Variants in RIPOR2 observed in about 807,000 individuals in gnomAD.
RIPOR2 encodes the protein rho family-interacting cell polarization regulator 2.
RIPOR2 carries 39 observed loss-of-function variants against 114.5 expected under a neutral mutation model. The observed-to-expected ratio is 0.34, with a 90% CI of 0.26 to 0.44. The LOEUF (loss-of-function observed/expected upper bound fraction) is 0.44. Ranked by LOEUF, RIPOR2 falls within the 20% of genes least tolerant of loss-of-function variation. RIPOR2 has a pLI of 1.00. For missense variants in RIPOR2, 1,007 were observed against 1,255.1 expected, an observed-to-expected ratio of 0.80 and a Z score of 2.99; for synonymous variants, 445 against 484.4, an observed-to-expected ratio of 0.92 and a Z score of 1.07.
intron 1 of RIPOR2, among the ~76,000 whole-genome samples, chr6:24,960,437 A>G (rs757932587): frequency 6.6e-6 from 1 of 152,194 alleles, no homozygotes; most frequent in Non-Finnish European, 1.5e-5. Flanking sequence ...TCCAGCCCTC[A>G]TGGTCTAATC....
intron 1 of RIPOR2, among the ~76,000 whole-genome samples, chr6:24,879,976 T>C (rs1766198584): frequency 6.6e-6 from 1 of 152,242 alleles, no homozygotes; most frequent in Admixed American, 6.5e-5. Context: ...AGGTGCTCCA[T>C]TGAACCAAAA....
intron 15 of RIPOR2, among the ~76,000 whole-genome samples, chr6:24,832,604 T>C (rs1359598278): frequency 2.0e-5 from 3 of 152,242 alleles, no homozygotes; most frequent in Non-Finnish European, 4.4e-5. Context: ...CGTGTGTGCA[T>C]AAATTCTGGA....
chr6:24,807,817 C>T (rs760701764), intron 21 of RIPOR2, among the ~76,000 whole-genome samples: 10 of 152,126 alleles, frequency 6.6e-5, no homozygotes, highest in Non-Finnish European at 1.3e-4. Context: ...CCTTTAAGTG[C>T]CCGCAATGAC....
At chr6:24,839,578 C>T in intron 13 of RIPOR2, 1 of 1,501,308 alleles carries the variant, frequency 6.7e-7, no homozygotes, top group Non-Finnish European at 9.0e-7. Context: ...CACTGGGATC[C>T]ATTAGAGGAT....
At chr6:24,965,895 C>A (rs1390102892) in intron 1 of RIPOR2, among the ~76,000 whole-genome samples, 1 of 152,142 alleles carries the variant, frequency 6.6e-6, no homozygotes, top group African/African-American at 2.4e-5. Context: ...ATGGTAGATA[C>A]AACTATGGAC....
At chr6:24,924,309 C>T (rs1309548981) in intron 1 of RIPOR2, among the ~76,000 whole-genome samples, 1 of 152,188 alleles carries the variant, frequency 6.6e-6, no homozygotes, top group African/African-American at 2.4e-5. Context: ...GCCTATCACT[C>T]ATTATCATGC....
At position 25,038,820 on chromosome 6, in the gene RIPOR2, A is replaced by G. The variant is rs541627840; in HGVS notation, c.76+3031T>C. ...ATAAACTTGTGGTAATTTGTTACAA[A>G]GCACTAGAAAACAAACATAAATTTC... On this transcript the variant is annotated intron_variant, in intron 1 of 13. Coordinates refer to the RIPOR2 transcript ENST00000510784. 1.4e-3 allele frequency among the ~76,000 whole-genome samples: 212 copies of G among 152,386 alleles called. 2 individuals carry two copies. Among genetic ancestry groups the G allele is most frequent in the African/African-American group, 4.8e-3 (199 of 41,598 alleles).
At chr6:24,931,749 T>A (rs1031999586) in intron 1 of RIPOR2, 1 of 152,170 alleles carries the variant, frequency 6.6e-6, no homozygotes, top group Admixed American at 6.6e-5. Context: ...CTTGGGGTGT[T>A]TTATTATTCT....
intron 6 of RIPOR2, among the ~76,000 whole-genome samples, chr6:24,867,002 G>A (rs1167150206): frequency 6.6e-6 from 1 of 152,036 alleles, no homozygotes; most frequent in Non-Finnish European, 1.5e-5. Context: ...ACCTGTTTGA[G>A]GATTACAATT....
intron 13 of RIPOR2, among the ~76,000 whole-genome samples, chr6:24,841,817 C>T (rs1183055326): frequency 6.6e-6 from 1 of 151,712 alleles, no homozygotes; most frequent in East Asian, 1.9e-4. Context: ...GGGATTTCAT[C>T]ATGTTGCCCG....
chr6:24,935,432 C>T (rs1428532743), intron 1 of RIPOR2, among the ~76,000 whole-genome samples: 1 of 151,364 alleles, frequency 6.6e-6, no homozygotes, highest in Non-Finnish European at 1.5e-5. Flanking sequence ...CAACATGGTA[C>T]CATGAAAAAC....
chr6:25,029,249 C>A (rs1776779949), intron 1 of RIPOR2, among the ~76,000 whole-genome samples: 1 of 151,668 alleles, frequency 6.6e-6, no homozygotes, highest in Non-Finnish European at 1.5e-5. Flanking sequence ...GATCGCGACA[C>A]TGCACTCCAG....
intron 8 of RIPOR2, 28 bp from the exon 9 acceptor site, chr6:24,852,646 T>C: frequency 6.4e-7 from 1 of 1,567,218 alleles, no homozygotes; most frequent in Non-Finnish European, 8.6e-7. Flanking sequence ...GAAGGTGAGG[T>C]GTAGAACATA....
chr6:25,026,042 G>GTTT lies in RIPOR2; in HGVS notation c.76+15808_76+15809insAAA, dbSNP rs201831119. 3.4e-5 allele frequency among the ~76,000 whole-genome samples: 5 copies of GTTT among 146,898 alleles called. No individual in the cohort carries two copies. In the East Asian group the frequency reaches 5.9e-4, roughly 17 times the overall value. On this transcript the variant is annotated intron_variant, in intron 1 of 13. Coordinates refer to the RIPOR2 transcript ENST00000510784. ...CATGAGATTAAAAGTTACAAAGATTGTTGTTTTTTTTTTTTGTTTCTGAGT... is the reference window on the plus strand; with the variant it reads ...CATGAGATTAAAAGTTACAAAGATTGTTTTTGTTTTTTTTTTTTGTTTCTGAGT...
rs146037471 is a variant in RIPOR2, at chr6:24,881,994, C to T, written c.62-6177G>A. ...ACCTCCTTGGAGAACTTGGAGATAA[C>T]CTGTCTCTTAAGAATAAAGGACAGG... On this transcript the variant is annotated intron_variant, in intron 1 of 21. Transcript: ENST00000643898. Among the ~76,000 whole-genome samples, 443 of 152,292 alleles carry T rather than the reference C, an allele frequency of 2.9e-3. 1 individual carries two copies. The highest frequency in any genetic ancestry group is 9.7e-3 in the African/African-American group (404 of 41,556).
chr6:24,946,598 G>A (rs1314858866), intron 1 of RIPOR2, among the ~76,000 whole-genome samples: 2 of 152,040 alleles, frequency 1.3e-5, no homozygotes, highest in African/African-American at 4.8e-5. Context: ...AAAATAAGAT[G>A]GTTAAAGACT....
chr6:24,844,771 C>T (rs1432974787), intron 12 of RIPOR2, among the ~76,000 whole-genome samples: 1 of 152,156 alleles, frequency 6.6e-6, no homozygotes. Context: ...GCCACCGCGC[C>T]TGGCCCAAAA....
chr6:25,040,418 T>C (rs984413505), intron 1 of RIPOR2, among the ~76,000 whole-genome samples: 2 of 152,102 alleles, frequency 1.3e-5, no homozygotes, highest in African/African-American at 4.8e-5. Context: ...GCCCGGCCTG[T>C]GTGATGGACT....
intron 1 of RIPOR2, among the ~76,000 whole-genome samples, chr6:25,020,844 A>G (rs978095850): frequency 1.3e-5 from 2 of 152,064 alleles, no homozygotes. Flanking sequence ...GTTCATGTCT[A>G]GTTTAATTTT....
Sources: gnomAD v4.1 joint callset for allele counts (sites outside exome capture counted in the v4.1 genomes callset) on GRCh38, gnomAD v4.1.1 for gene constraint, MANE v1.5 for transcripts, NCBI Gene and HGNC (gene_info 2026-07-23, HGNC 2026-07-21) for gene names.